Variants in TBC1D30 observed in about 807,000 individuals in gnomAD.
TBC1D30 encodes TBC1 domain family, member 30.
Under a neutral mutation model 63.2 loss-of-function variants are expected in TBC1D30, and 31 were observed. The observed-to-expected ratio is 0.49, with a 90% CI of 0.37 to 0.66. The LOEUF is 0.66. TBC1D30 is among the 30% of genes least tolerant of loss of function. The pLI is 0.00. For missense variants in TBC1D30, 810 were observed against 953.6 expected, an observed-to-expected ratio of 0.85 and a Z score of 1.98; for synonymous variants, 307 against 361.5, an observed-to-expected ratio of 0.85 and a Z score of 1.71.
At chr12:64,781,697 T>TTTG (rs1555166328) in intron 1 of TBC1D30, among the ~76,000 whole-genome samples, 2 of 151,318 alleles carry the variant, frequency 1.3e-5, no homozygotes, top group African/African-American at 4.9e-5. Context: ...TTTCCTTTTT[T>TTTG]TTTTTTTGTT....
chr12:64,824,674 C>A lies in TBC1D30; in HGVS notation c.-206C>A. Reference sequence around the variant, plus strand: ...CCTTGCAGGCTCCGCACTGCAGATGCCTGCTGGCTTCCCTGCGCTCGGCGG... The same window carrying A: ...CCTTGCAGGCTCCGCACTGCAGATGACTGCTGGCTTCCCTGCGCTCGGCGG... On this transcript the variant is annotated 5_prime_UTR_variant, in exon 1 of 12. Transcript: ENST00000539867. 1 of 609,032 alleles carries A rather than the reference C, an allele frequency of 1.6e-6. No homozygotes were observed. Among genetic ancestry groups the A allele is most frequent in the Non-Finnish European group, 2.7e-6 (1 of 368,870 alleles). 37.7% of individuals were successfully genotyped at this position (609,032 alleles called of 1,614,324 possible). A position where few individuals can be genotyped will look rare whatever the true frequency, so the allele number is the denominator to read the frequency against.
chr12:64,780,624 A>G (rs1284354310), exon 1 of TBC1D30, among the ~76,000 whole-genome samples: 1 of 152,094 alleles, frequency 6.6e-6, no homozygotes, highest in Non-Finnish European at 1.5e-5. Context: ...CCCGGTCCGG[A>G]GCGGAGGGGA....
At chr12:64,760,012 GTTC>G (rs761351651) in intron 1 of TBC1D30, among the ~76,000 whole-genome samples, 3 of 152,186 alleles carry the variant, frequency 2.0e-5, no homozygotes, top group Non-Finnish European at 4.4e-5. Context: ...GCCTAATTAT[GTTC>G]TTCTTTCCTC....
chr12:64,848,582 T>C (rs983528475), intron 8 of TBC1D30, among the ~76,000 whole-genome samples: 12 of 152,340 alleles, frequency 7.9e-5, no homozygotes, highest in Non-Finnish European at 1.2e-4. Flanking sequence ...GCTTCGTCCA[T>C]GTCCCTGCAA....
At chr12:64,857,240 A>G (rs565650983) in intron 8 of TBC1D30, among the ~76,000 whole-genome samples, 4 of 152,290 alleles carry the variant, frequency 2.6e-5, no homozygotes, top group African/African-American at 2.4e-5. Context: ...GCTCGGGCCC[A>G]TGGCATACTC....
At chr12:64,812,753 A>AT (rs113925138) in intron 2 of TBC1D30, among the ~76,000 whole-genome samples, 10,650 of 146,152 alleles carry the variant, frequency 0.073, 792 homozygotes, top group African/African-American at 0.2. Flanking sequence ...TGAAAGATTG[A>AT]TTTTTTTTTT....
chr12:64,809,314 A>T (rs563244254), intron 2 of TBC1D30, among the ~76,000 whole-genome samples: 2 of 148,894 alleles, frequency 1.3e-5, no homozygotes, highest in Non-Finnish European at 3.0e-5. Context: ...GTGTCCTCAT[A>T]GCTTAGCTCC....
At chr12:64,789,785 T>TC (rs577086504) in intron 2 of TBC1D30, among the ~76,000 whole-genome samples, 448 of 152,304 alleles carry the variant, frequency 2.9e-3, no homozygotes, top group African/African-American at 0.01. Context: ...TACTTTTTTT[T>TC]CCCCTATATT....
chr12:64,816,728 G>A (rs1262747028), intron 2 of TBC1D30, among the ~76,000 whole-genome samples: 1 of 152,128 alleles, frequency 6.6e-6, no homozygotes, highest in Non-Finnish European at 1.5e-5. Flanking sequence ...TATAGTCACA[G>A]CATTCTTTTG....
intron 8 of TBC1D30, among the ~76,000 whole-genome samples, chr12:64,845,472 A>G (rs1176826024): frequency 6.6e-6 from 1 of 152,122 alleles, no homozygotes; most frequent in Non-Finnish European, 1.5e-5. Context: ...CATGCCTGTA[A>G]TCCCAGCGCT....
intron 8 of TBC1D30, among the ~76,000 whole-genome samples, chr12:64,853,587 A>C (rs1272075642): frequency 6.6e-6 from 1 of 152,132 alleles, no homozygotes; most frequent in Non-Finnish European, 1.5e-5. Flanking sequence ...ATGGCTGCCC[A>C]GTTTTGTGGT....
intron 10 of TBC1D30, 135 bp downstream of exon 10, chr12:64,867,038 A>T (rs1247867754): frequency 7.1e-6 from 7 of 984,110 alleles, no homozygotes; most frequent in Middle Eastern, 3.2e-4. Context: ...TAGGCTAGTC[A>T]TGGTGGGTCA....
chr12:64,830,102 T>C (rs1874708119), intron 3 of TBC1D30, among the ~76,000 whole-genome samples: 1 of 152,194 alleles, frequency 6.6e-6, no homozygotes. Context: ...TCTTGGTTTG[T>C]CTTTCTAACA....
chr12:64,858,887 G>A (rs1367687508), intron 8 of TBC1D30, among the ~76,000 whole-genome samples: 4 of 152,138 alleles, frequency 2.6e-5, no homozygotes, highest in Non-Finnish European at 5.9e-5. Flanking sequence ...GCTGGGGGCT[G>A]AGGAAGAGAG....
chr12:64,855,103 C>G (rs1444788614), intron 8 of TBC1D30, among the ~76,000 whole-genome samples: 1 of 150,522 alleles, frequency 6.6e-6, no homozygotes, highest in Non-Finnish European at 1.5e-5. Flanking sequence ...GTTTTTTTTT[C>G]TTTTGGCAGT....
intron 2 of TBC1D30, among the ~76,000 whole-genome samples, chr12:64,816,814 C>T (rs981424065): frequency 6.6e-6 from 1 of 151,104 alleles, no homozygotes; most frequent in African/African-American, 2.4e-5. Flanking sequence ...CCCTCCCTTC[C>T]TGCCTTTCTT....
At chr12:64,840,199 C>T (rs895286558) in intron 7 of TBC1D30, among the ~76,000 whole-genome samples, 1 of 152,144 alleles carries the variant, frequency 6.6e-6, no homozygotes, top group African/African-American at 2.4e-5. Flanking sequence ...CATTACCCCC[C>T]AATAGCTACC....
chr12:64,843,793 A>G (rs1185588794), intron 8 of TBC1D30, among the ~76,000 whole-genome samples: 1 of 152,104 alleles, frequency 6.6e-6, no homozygotes, highest in East Asian at 1.9e-4. Context: ...TTTTATTCTT[A>G]GTCTTTCTTT....
In TBC1D30 at chr12:64,878,603, G is replaced by A; in HGVS notation, c.*2815G>A. Reference sequence around the variant, plus strand: ...TCTGAAGGATTGTATTGATCACAAAGCTATATGCATAAAGATTCTCATTGT... The same window carrying A: ...TCTGAAGGATTGTATTGATCACAAAACTATATGCATAAAGATTCTCATTGT... On this transcript the variant is annotated 3_prime_UTR_variant, in exon 12 of 12. Transcript: ENST00000539867. 1 of 453,252 alleles carries A rather than the reference G, an allele frequency of 2.2e-6. No individual in the cohort carries two copies. Among genetic ancestry groups the A allele is most frequent in the Non-Finnish European group, 4.5e-6 (1 of 224,604 alleles). 28.1% of individuals were successfully genotyped at this position (453,252 alleles called of 1,614,324 possible). A position where few individuals can be genotyped will look rare whatever the true frequency, so the allele number is the denominator to read the frequency against.
Sources: gnomAD v4.1 joint callset for allele counts (sites outside exome capture counted in the v4.1 genomes callset) on GRCh38, gnomAD v4.1.1 for gene constraint, MANE v1.5 for transcripts, NCBI Gene and HGNC (gene_info 2026-07-23, HGNC 2026-07-21) for gene names.